The following RAB31 variants were observed in gnomAD, a reference collection of about 807,000 sequenced individuals.
RAB31 encodes RAB31, member RAS oncogene family.
A neutral mutation model predicts 25.6 loss-of-function variants in RAB31; 21 were observed. The observed-to-expected ratio is 0.82, with a 90% CI of 0.58 to 1.18. The LOEUF is 1.18. RAB31 is among the 50% of genes most tolerant of loss of function. The probability of loss-of-function intolerance (pLI) is 0.00; values close to 1 mark genes in which losing one functional copy is unlikely to be tolerated. For synonymous variants in RAB31, 87 were observed against 84.0 expected, an observed-to-expected ratio of 1.04 and a Z score of -0.20; for missense variants, 196 against 250.1, an observed-to-expected ratio of 0.78 and a Z score of 1.46.
rs368455584 is a variant in RAB31 at position 9,845,608 on chromosome 18, A to G, written c.407A>G (p.Glu136Gly). The G allele has an allele frequency of 5.1e-6, 8 of 1,563,344 alleles. No homozygotes were observed. Among genetic ancestry groups the G allele is most frequent in the Non-Finnish European group, 6.1e-6 (7 of 1,154,162 alleles). ...IREVPLKDAK[E>G]YAESIGAIVV... is the part of the protein sequence containing the mutation. ...GAGGTTCCCCTGAAGGATGCTAAGG[A>G]ATACGCTGAATCCATAGGTGCCATC... Residue 136 changes from glutamate to glycine, a missense_variant, in exon 6 of 7, where the codon GAA becomes GGA. By Grantham distance (98) the Glu-to-Gly change is moderately conservative. Coordinates refer to ENST00000578921, the MANE Select transcript of RAB31 (RefSeq NM_006868.4).
At chr18:9,811,792 T>C (rs2068572812) in intron 3 of RAB31, among the ~76,000 whole-genome samples, 1 of 152,256 alleles carries the variant, frequency 6.6e-6, no homozygotes, top group African/African-American at 2.4e-5. Flanking sequence ...AATTATATGC[T>C]ATATGTGCTG....
intron 1 of RAB31, among the ~76,000 whole-genome samples, chr18:9,711,137 T>A (rs1563329): frequency 0.073 from 11,056 of 151,854 alleles, 1,388 homozygotes; most frequent in African/African-American, 0.25. Context: ...TTGAGGGAGA[T>A]CAAAACCATT....
At position 9,755,904 on chromosome 18, in the gene RAB31, G is replaced by A. The variant is rs778943959; in HGVS notation, c.40-19374G>A. On this transcript the variant is annotated intron_variant, in intron 1 of 6. Transcript: ENST00000578921. ...GGATTCTTCTGGCAGCTGTGGTTTAGGCTGCCTTGTGTTTCCTGGTAAAAT... is the reference window on the plus strand; with the variant it reads ...GGATTCTTCTGGCAGCTGTGGTTTAAGCTGCCTTGTGTTTCCTGGTAAAAT... Among the ~76,000 whole-genome samples, 29 of 152,220 alleles carry A rather than the reference G, an allele frequency of 1.9e-4. 1 individual carries two copies. Among genetic ancestry groups the A allele is most frequent in the Admixed American group, 1.9e-3 (29 of 15,278 alleles).
At chr18:9,732,296 G>A (rs1208659130) in intron 1 of RAB31, among the ~76,000 whole-genome samples, 7 of 152,136 alleles carry the variant, frequency 4.6e-5, no homozygotes, top group Admixed American at 2.6e-4. Context: ...CTGGGGCAGG[G>A]GTTTCATCAG....
chr18:9,860,112 A>G lies in RAB31; in HGVS notation c.*787A>G, dbSNP rs1301761069. 6.6e-6 allele frequency: 1 copy of G among 152,258 alleles called. No homozygotes were observed. Among genetic ancestry groups the G allele is most frequent in the Non-Finnish European group, 1.5e-5 (1 of 68,044 alleles). The allele number at this position is 152,258 out of a possible 1,614,324, so 9.4% of individuals were successfully genotyped here. ...CACATTATTCAAGAGACCACCTGAC[A>G]TGCATCTCCTCCGCAGGAATACATT... On this transcript the variant is annotated 3_prime_UTR_variant, in exon 7 of 7. Coordinates refer to ENST00000578921, the MANE Select transcript of RAB31 (RefSeq NM_006868.4).
At chr18:9,741,376 CAAAAAA>C (rs71169903) in intron 1 of RAB31, among the ~76,000 whole-genome samples, 2 of 31,230 alleles carry the variant, frequency 6.4e-5, no homozygotes, top group African/African-American at 9.6e-5. Context: ...AACTCCGTCT[CAAAAAA>C]AAAAAAAAAA....
intron 5 of RAB31, among the ~76,000 whole-genome samples, chr18:9,843,734 C>A (rs529937307): frequency 1.8e-4 from 28 of 152,206 alleles, no homozygotes; most frequent in African/African-American, 6.5e-4. Flanking sequence ...TCGGGGTGTA[C>A]TTTTCCCTGC....
chr18:9,781,252 G>A (rs9962736), intron 2 of RAB31, among the ~76,000 whole-genome samples: 102,432 of 152,038 alleles, frequency 0.67, 35,539 homozygotes, highest in African/African-American at 0.84. Flanking sequence ...GCATTTTCTC[G>A]TAGCTTAATG....
chr18:9,759,139 A>T (rs563662507), intron 1 of RAB31, among the ~76,000 whole-genome samples: 29 of 152,080 alleles, frequency 1.9e-4, no homozygotes, highest in Admixed American at 1.8e-3. Context: ...CGGCTCGGCT[A>T]TGTAGAGCGG....
intron 1 of RAB31, among the ~76,000 whole-genome samples, chr18:9,759,244 T>C (rs2068275245): frequency 6.6e-6 from 1 of 152,066 alleles, no homozygotes; most frequent in Non-Finnish European, 1.5e-5. Flanking sequence ...GGCTTGAGTG[T>C]AGTGCAGCCT....
At chr18:9,721,939 G>T (rs2068075568) in intron 1 of RAB31, among the ~76,000 whole-genome samples, 1 of 152,186 alleles carries the variant, frequency 6.6e-6, no homozygotes. Context: ...GGAGGCATCT[G>T]AGTGAAGATC....
At chr18:9,808,198 C>A (rs2068551869) in intron 3 of RAB31, among the ~76,000 whole-genome samples, 1 of 151,680 alleles carries the variant, frequency 6.6e-6, no homozygotes, top group Non-Finnish European at 1.5e-5. Context: ...TTGGCTCTAA[C>A]AACACATTCA....
chr18:9,847,839 G>T (rs2068769336), intron 6 of RAB31, among the ~76,000 whole-genome samples: 3 of 152,106 alleles, frequency 2.0e-5, no homozygotes, highest in Admixed American at 2.0e-4. Context: ...CTCCCAAAGT[G>T]CCAGGATTAC....
chr18:9,806,892 G>A (rs1314974869), intron 3 of RAB31, among the ~76,000 whole-genome samples: 1 of 152,220 alleles, frequency 6.6e-6, no homozygotes, highest in Non-Finnish European at 1.5e-5. Context: ...GGATATGCTT[G>A]AAAATTTCCA....
intron 3 of RAB31, among the ~76,000 whole-genome samples, chr18:9,809,381 G>T (rs1324999753): frequency 1.3e-5 from 2 of 151,604 alleles, no homozygotes; most frequent in South Asian, 2.1e-4. Flanking sequence ...TTGAAAAAAA[G>T]ATTTTAAAAA....
intron 1 of RAB31, among the ~76,000 whole-genome samples, chr18:9,748,761 T>A (rs2068218849): frequency 6.6e-6 from 1 of 151,918 alleles, no homozygotes; most frequent in African/African-American, 2.4e-5. Context: ...TGTGGTGGCA[T>A]GTGCCTGTAA....
chr18:9,845,989 T>A (rs2068759937), intron 6 of RAB31, among the ~76,000 whole-genome samples: 1 of 152,210 alleles, frequency 6.6e-6, no homozygotes, highest in Admixed American at 6.5e-5. Flanking sequence ...TCTGTAGCAT[T>A]TTATGTTAGG....
At chr18:9,858,716 A>G (rs1481977556) in intron 6 of RAB31, among the ~76,000 whole-genome samples, 1 of 152,206 alleles carries the variant, frequency 6.6e-6, no homozygotes, top group African/African-American at 2.4e-5. Context: ...CATTGGCAGG[A>G]TGAGGGATGA....
intron 5 of RAB31, among the ~76,000 whole-genome samples, chr18:9,827,396 A>C (rs552964808): frequency 6.6e-6 from 1 of 152,146 alleles, no homozygotes; most frequent in East Asian, 1.9e-4. Context: ...CTGGGTTGGG[A>C]AGTGGGAGAA....
Sources: gnomAD v4.1 joint callset for allele counts (sites outside exome capture counted in the v4.1 genomes callset) on GRCh38, gnomAD v4.1.1 for gene constraint, MANE v1.5 for transcripts, NCBI Gene and HGNC (gene_info 2026-07-23, HGNC 2026-07-21) for gene names.